FOXO3: variants seen among roughly 807,000 people sequenced by gnomAD.
The protein encoded by FOXO3 is forkhead box O3.
In FOXO3, 4 loss-of-function variants were observed where a neutral mutation model predicts 41.9. The ratio of observed to expected loss-of-function variants is 0.10; its 90% CI spans 0.05 to 0.22. The LOEUF (loss-of-function observed/expected upper bound fraction) is 0.22, where lower values mean the gene tolerates loss of function less well. Among genes scored for constraint, FOXO3 ranks in the 10% least tolerant of loss-of-function variants. FOXO3 has a pLI of 1.00. For missense variants in FOXO3, 534 were observed against 906.8 expected, an observed-to-expected ratio of 0.59 and a Z score of 5.28; for synonymous variants, 318 against 389.3, an observed-to-expected ratio of 0.82 and a Z score of 2.16.
intron 2 of FOXO3, among the ~76,000 whole-genome samples, chr6:108,668,597 C>G (rs1779124093): frequency 1.3e-5 from 2 of 152,184 alleles, no homozygotes; most frequent in Non-Finnish European, 1.5e-5. Context: ...CACAAACTTT[C>G]ATTCATCTTC....
At chr6:108,657,814 C>G (rs1039170245) in intron 1 of FOXO3, among the ~76,000 whole-genome samples, 2 of 152,168 alleles carry the variant, frequency 1.3e-5, no homozygotes, top group African/African-American at 4.8e-5. Context: ...CATTGGAGTT[C>G]TGGTATTTTA....
chr6:108,597,227 AAG>A (rs1776911222), intron 1 of FOXO3, among the ~76,000 whole-genome samples: 1 of 152,232 alleles, frequency 6.6e-6, no homozygotes, highest in South Asian at 2.1e-4. Context: ...CTAGATGAGA[AAG>A]AGAGCCAGAC....
intron 1 of FOXO3, among the ~76,000 whole-genome samples, chr6:108,573,058 G>A (rs966095732): frequency 6.6e-6 from 1 of 152,058 alleles, no homozygotes; most frequent in Non-Finnish European, 1.5e-5. Context: ...AGACTGAGGT[G>A]GGCGGATCAC....
intron 1 of FOXO3, among the ~76,000 whole-genome samples, chr6:108,580,293 A>G (rs1776377879): frequency 6.7e-6 from 1 of 149,638 alleles, no homozygotes; most frequent in African/African-American, 2.5e-5. Flanking sequence ...GGTTCAAGCA[A>G]TTTACTTGCC....
intron 1 of FOXO3, among the ~76,000 whole-genome samples, chr6:108,621,440 A>G (rs1235469880): frequency 6.6e-6 from 1 of 152,224 alleles, no homozygotes; most frequent in African/African-American, 2.4e-5. Context: ...CCAATTCACA[A>G]GGCAACGTCT....
chr6:108,624,992 G>A (rs180821311), intron 1 of FOXO3, among the ~76,000 whole-genome samples: 5 of 152,140 alleles, frequency 3.3e-5, no homozygotes, highest in Admixed American at 3.3e-4. Flanking sequence ...TTGTTTCCCA[G>A]GCTGGTCTTG....
At chr6:108,639,751 A>G in intron 1 of FOXO3, 1 of 198,782 alleles carries the variant, frequency 5.0e-6, no homozygotes, top group Non-Finnish European at 9.0e-6. Context: ...TCCTAAAAGT[A>G]CATATCAATT....
chr6:108,616,630 C>G (rs895545934), intron 1 of FOXO3, among the ~76,000 whole-genome samples: 2 of 152,188 alleles, frequency 1.3e-5, no homozygotes, highest in Admixed American at 6.5e-5. Context: ...TTGTTGAGAC[C>G]TAATTCACAT....
At chr6:108,614,568 C>T (rs1169714577) in intron 1 of FOXO3, among the ~76,000 whole-genome samples, 3 of 152,004 alleles carry the variant, frequency 2.0e-5, no homozygotes, top group Admixed American at 2.0e-4. Flanking sequence ...GTTTGTATGG[C>T]AGATCTTTTT....
upstream of FOXO3, chr6:108,560,839 TG>T: frequency 1.9e-6 from 1 of 524,036 alleles, no homozygotes; most frequent in Non-Finnish European, 2.8e-6. Context: ...GACCTGCGGC[TG>T]GGCGGCGGGG....
chr6:108,682,034 C>CT lies in FOXO3; in HGVS notation c.*2244dup, dbSNP rs1770881425. 1.3e-5 allele frequency: 2 copies of CT among 152,216 alleles called. No individual in the cohort carries two copies. The highest frequency in any genetic ancestry group is 2.9e-5 in the Non-Finnish European group (2 of 68,032). The allele number at this position is 152,216 out of a possible 1,614,324, so 9.4% of individuals were successfully genotyped here. ...GGGGGGATAGGAGAATTCCAGAGTG[C>CT]TTCCAGCATTAGGGTCCTGAGAACT... is the stretch of plus-strand genomic sequence containing the variant. On this transcript the variant is annotated 3_prime_UTR_variant, in exon 3 of 3. Transcript: ENST00000406360.
chr6:108,595,562 G>T (rs1358851537), intron 1 of FOXO3, among the ~76,000 whole-genome samples: 1 of 152,018 alleles, frequency 6.6e-6, no homozygotes, highest in African/African-American at 2.4e-5. Flanking sequence ...ATTATTTTAT[G>T]TTCTCTCTCA....
At chr6:108,625,384 A>G (rs1777784085) in intron 1 of FOXO3, among the ~76,000 whole-genome samples, 1 of 152,336 alleles carries the variant, frequency 6.6e-6, no homozygotes, top group African/African-American at 2.4e-5. Flanking sequence ...CCTTTTGTAT[A>G]GTCAAATTTA....
chr6:108,668,044 G>C (rs975932831), intron 2 of FOXO3, among the ~76,000 whole-genome samples: 1 of 152,180 alleles, frequency 6.6e-6, no homozygotes, highest in African/African-American at 2.4e-5. Context: ...CGAGGCTGAG[G>C]TCAGACTCTG....
chr6:108,560,848 G>T (rs544993831), upstream of FOXO3: 149 of 648,084 alleles, frequency 2.3e-4, 1 homozygote, highest in African/African-American at 2.5e-3. Context: ...CTGGGCGGCG[G>T]GGGGAGGGGG....
Position 108,604,436 on chromosome 6 carries a change from C to T in FOXO3, c.621+42607C>T, listed in dbSNP as rs545151362. 4.0e-5 allele frequency among the ~76,000 whole-genome samples: 6 copies of T among 151,550 alleles called. No homozygotes were observed. In the South Asian group the frequency reaches 6.2e-4, roughly 16 times the overall value. ...CTTCCTGATATATTTTTTTTCTTTT[C>T]GAATTTAAAGGTAATTTAACAGCGA... On this transcript the variant is annotated intron_variant, in intron 1 of 2. Coordinates refer to ENST00000406360, the MANE Select transcript of FOXO3 (RefSeq NM_001455.4).
At chr6:108,603,701 T>C (rs1419777043) in intron 1 of FOXO3, among the ~76,000 whole-genome samples, 2 of 152,026 alleles carry the variant, frequency 1.3e-5, no homozygotes, top group Non-Finnish European at 2.9e-5. Flanking sequence ...GAGGAGGGAA[T>C]CATTGTTGGG....
chr6:108,567,015 T>C (rs1775964223), intron 1 of FOXO3, among the ~76,000 whole-genome samples: 1 of 152,246 alleles, frequency 6.6e-6, no homozygotes, highest in Admixed American at 6.5e-5. Context: ...GATATAGTGG[T>C]AGCAGAAGGC....
rs1306173205 is a variant in FOXO3 at position 108,684,312 on chromosome 6, CAT to C, written c.*4521_*4522del. ...AAATGTATTGTGCATTTTGGCTTCACATGTTTAACTTTTTTTAAGAAAAAAGT... is the reference window on the plus strand; with the variant it reads ...AAATGTATTGTGCATTTTGGCTTCACGTTTAACTTTTTTTAAGAAAAAAGT... On this transcript the variant is annotated 3_prime_UTR_variant, in exon 3 of 3. Coordinates refer to ENST00000406360, the MANE Select transcript of FOXO3 (RefSeq NM_001455.4). The C allele has an allele frequency of 2.0e-5, 3 of 152,372 alleles. No individual in the cohort carries two copies. Among genetic ancestry groups the C allele is most frequent in the Non-Finnish European group, 4.4e-5 (3 of 68,016 alleles). The allele number at this position is 152,372 out of a possible 1,614,324, so 9.4% of individuals were successfully genotyped here. A position where few individuals can be genotyped will look rare whatever the true frequency, so the allele number is the denominator to read the frequency against.
Sources: gnomAD v4.1 joint callset for allele counts (sites outside exome capture counted in the v4.1 genomes callset) on GRCh38, gnomAD v4.1.1 for gene constraint, MANE v1.5 for transcripts, NCBI Gene and HGNC (gene_info 2026-07-23, HGNC 2026-07-21) for gene names.